Variants in PTPN14 observed in about 807,000 individuals in gnomAD.
The protein encoded by PTPN14 is tyrosine-protein phosphatase non-receptor type 14.
Under a neutral mutation model 126.8 loss-of-function variants are expected in PTPN14, and 53 were observed. The observed-to-expected ratio is 0.42, with a 90% confidence interval of 0.34 to 0.53. The LOEUF is 0.53. PTPN14 is among the 20% of genes least tolerant of loss of function. PTPN14 has a pLI of 0.08. For synonymous variants in PTPN14, 630 were observed against 599.3 expected (o/e 1.05, Z -0.75); for missense variants, 1,257 against 1,552.9 (o/e 0.81, Z 3.20).
intron 4 of PTPN14, among the ~76,000 whole-genome samples, chr1:214,412,590 T>G (rs930039474): frequency 3.3e-5 from 5 of 152,192 alleles, no homozygotes; most frequent in African/African-American, 1.2e-4. Context: ...TATTTCCAAG[T>G]TCAATAATTG....
chr1:214,494,183 G>C (rs1212956233), intron 1 of PTPN14, among the ~76,000 whole-genome samples: 1 of 152,088 alleles, frequency 6.6e-6, no homozygotes, highest in Non-Finnish European at 1.5e-5. Flanking sequence ...CCATTCTCCT[G>C]CCTCAGCCTC....
chr1:214,469,869 C>A (rs2102659453), intron 1 of PTPN14, among the ~76,000 whole-genome samples: 1 of 152,072 alleles, frequency 6.6e-6, no homozygotes, highest in Admixed American at 6.5e-5. Flanking sequence ...TTCAATTTTT[C>A]TGTGAACCTA....
intron 7 of PTPN14, among the ~76,000 whole-genome samples, chr1:214,401,121 C>T (rs1007189941): frequency 6.6e-6 from 1 of 152,084 alleles, no homozygotes; most frequent in African/African-American, 2.4e-5. Flanking sequence ...CCAACCACAC[C>T]CACTTCAGGA....
intron 1 of PTPN14, among the ~76,000 whole-genome samples, chr1:214,474,911 T>C (rs1660834877): frequency 6.6e-6 from 1 of 152,220 alleles, no homozygotes; most frequent in African/African-American, 2.4e-5. Context: ...CAGGTTTTCA[T>C]TTTTGACCTT....
chr1:214,405,841 TCTC>T (rs1659154594), intron 5 of PTPN14, among the ~76,000 whole-genome samples: 1 of 152,198 alleles, frequency 6.6e-6, no homozygotes, highest in Non-Finnish European at 1.5e-5. Flanking sequence ...GGCTTGTTAT[TCTC>T]ATTTTTAGAT....
chr1:214,494,769 C>T (rs750205641), intron 1 of PTPN14, among the ~76,000 whole-genome samples: 4 of 152,154 alleles, frequency 2.6e-5, no homozygotes, highest in Non-Finnish European at 5.9e-5. Flanking sequence ...GTTACCACTA[C>T]ACTACTGAAT....
At chr1:214,438,187 C>T (rs551870258) in intron 3 of PTPN14, among the ~76,000 whole-genome samples, 14 of 152,322 alleles carry the variant, frequency 9.2e-5, no homozygotes, top group African/African-American at 3.4e-4. Flanking sequence ...ATTGGGTCAG[C>T]CTGGCCCGTC....
chr1:214,532,809 G>T lies in PTPN14; in HGVS notation c.-155+18374C>A, dbSNP rs543058492. The T allele has an allele frequency of 3.2e-5, 28 of 877,198 alleles. No individual in the cohort carries two copies. The East Asian group carries it at 6.7e-4, about 21-fold the overall frequency. The allele number at this position is 877,198 out of a possible 1,614,324, so 54.3% of individuals were successfully genotyped here. On this transcript the variant is annotated intron_variant, in intron 1 of 18. Coordinates refer to ENST00000366956, the MANE Select transcript of PTPN14 (RefSeq NM_005401.5). ...AGATCGAGGCTCTCAAGGAGGAGCT[G>T]CTCTTCATGAAGAACCACAAAGATG... is the stretch of plus-strand genomic sequence containing the variant.
chr1:214,492,636 G>C (rs747827711), intron 1 of PTPN14, among the ~76,000 whole-genome samples: 2 of 152,176 alleles, frequency 1.3e-5, no homozygotes, highest in Non-Finnish European at 2.9e-5. Context: ...GGCCGGGCAT[G>C]GTGGCTCAGA....
At chr1:214,520,066 ATAT>A (rs1347057395) in intron 1 of PTPN14, among the ~76,000 whole-genome samples, 4 of 20,530 alleles carry the variant, frequency 1.9e-4, no homozygotes, top group African/African-American at 6.7e-4. Context: ...AAAAAAAAAA[ATAT>A]ATATATATAT....
chr1:214,418,465 G>C (rs902437948), intron 3 of PTPN14, among the ~76,000 whole-genome samples: 23 of 152,226 alleles, frequency 1.5e-4, no homozygotes, highest in African/African-American at 5.5e-4. Context: ...AGGTAATACT[G>C]CTTCCTTAAA....
At position 214,350,496 on chromosome 1, in the gene PTPN14, T is replaced by C. The variant is rs1447951663; in HGVS notation, c.*7426A>G. On this transcript the variant is annotated 3_prime_UTR_variant, in exon 19 of 19. Coordinates refer to ENST00000366956, the MANE Select transcript of PTPN14 (RefSeq NM_005401.5). ...GGAGCTTCCTGCTTGCTGAGTTTTCTAGCTATTTTCATTCTGGTTATTTTC... is the reference window on the plus strand; with the variant it reads ...GGAGCTTCCTGCTTGCTGAGTTTTCCAGCTATTTTCATTCTGGTTATTTTC... The C allele has an allele frequency of 2.0e-5, 3 of 151,778 alleles. No individual in the cohort carries two copies. The highest frequency in any genetic ancestry group is 6.6e-5 in the Admixed American group (1 of 15,222). 9.4% of individuals were successfully genotyped at this position (151,778 alleles called of 1,614,324 possible).
chr1:214,433,127 T>C (rs1272231997), intron 3 of PTPN14, among the ~76,000 whole-genome samples: 1 of 151,976 alleles, frequency 6.6e-6, no homozygotes, highest in African/African-American at 2.4e-5. Flanking sequence ...ATGGTCTTCA[T>C]CTCCTGACCT....
chr1:214,469,827 C>CGG (rs34975154), intron 1 of PTPN14, among the ~76,000 whole-genome samples: 116,804 of 142,572 alleles, frequency 0.82, 47,984 homozygotes, highest in African/African-American at 0.88. Flanking sequence ...TGGGGAAAGG[C>CGG]GGGGGTATGT....
In PTPN14 at chr1:214,354,050, G is replaced by A. The variant is rs1657761231; in HGVS notation, c.*3872C>T. On this transcript the variant is annotated 3_prime_UTR_variant, in exon 19 of 19. Transcript: ENST00000366956. Reference sequence around the variant, plus strand: ...AGTTTATAACTGAAAAGCACAAGCTGAAAGAAAGCAGGATAAAGGTTAAGT... The same window carrying A: ...AGTTTATAACTGAAAAGCACAAGCTAAAAGAAAGCAGGATAAAGGTTAAGT... The A allele has an allele frequency of 6.6e-6, 1 of 152,260 alleles. No homozygotes were observed. Among genetic ancestry groups the A allele is most frequent in the African/African-American group, 2.4e-5 (1 of 41,448 alleles). The allele number at this position is 152,260 out of a possible 1,614,324, so 9.4% of individuals were successfully genotyped here.
intron 3 of PTPN14, among the ~76,000 whole-genome samples, chr1:214,435,285 G>C (rs1048529841): frequency 1.3e-5 from 2 of 151,858 alleles, no homozygotes; most frequent in Non-Finnish European, 2.9e-5. Context: ...GAGATAAAAT[G>C]CAAGTATCAC....
At chr1:214,496,830 A>G (rs1385963914) in intron 1 of PTPN14, among the ~76,000 whole-genome samples, 2 of 152,110 alleles carry the variant, frequency 1.3e-5, no homozygotes, top group Non-Finnish European at 2.9e-5. Context: ...AATCCTATAT[A>G]AAAATATATC....
intron 3 of PTPN14, among the ~76,000 whole-genome samples, chr1:214,436,513 A>T (rs1659919367): frequency 6.6e-6 from 1 of 152,196 alleles, no homozygotes; most frequent in Non-Finnish European, 1.5e-5. Context: ...AAAGACAGTT[A>T]GGGCTGGGTA....
chr1:214,533,432 G>GGT, intron 1 of PTPN14: 1 of 420,266 alleles, frequency 2.4e-6, no homozygotes, highest in Non-Finnish European at 4.5e-6. Context: ...GTGGCAAAGT[G>GGT]GTGTCTCAGT....
Sources: allele counts gnomAD v4.1 joint callset (sites outside exome capture counted in the v4.1 genomes callset), GRCh38; gene constraint gnomAD v4.1.1; transcripts MANE v1.5; gene names NCBI Gene and HGNC (gene_info 2026-07-23, HGNC 2026-07-21).